Variants in TEKT3 observed in about 807,000 individuals in gnomAD.
TEKT3 encodes the protein tektin 3.
Under a neutral mutation model 49.8 loss-of-function variants are expected in TEKT3, and 49 were observed. That is an observed-to-expected ratio of 0.98 (90% CI 0.78 to 1.25). TEKT3 has a LOEUF of 1.25. TEKT3 is among the 50% of genes most tolerant of loss of function. TEKT3 has a pLI of 0.00. For synonymous variants in TEKT3, 225 were observed against 237.2 expected (o/e 0.95, Z 0.47); for missense variants, 595 against 629.5 (o/e 0.95, Z 0.59).
chr17:15,343,368 CA>C (rs1280269306), upstream of TEKT3, among the ~76,000 whole-genome samples: 2 of 152,074 alleles, frequency 1.3e-5, no homozygotes, highest in East Asian at 1.9e-4. Flanking sequence ...GATACCCTCT[CA>C]AAAAAAATTG....
At position 15,331,616 on chromosome 17, in the gene TEKT3, T is replaced by G; in HGVS notation, c.-29-2A>C. 6.4e-7 allele frequency: 1 copy of G among 1,560,090 alleles called. No homozygotes were observed. Among genetic ancestry groups the G allele is most frequent in the Non-Finnish European group, 8.7e-7 (1 of 1,152,624 alleles). ...CAAAACACTATTTGTAAATCTCTCC[T>G]GTTAAAAAATAAAAAGTAAAATAAG... On this transcript the variant is annotated splice_acceptor_variant, in intron 2 of 8. Transcript: ENST00000395930. LOFTEE classifies it low-confidence loss of function (5UTR_SPLICE).
intron 2 of TEKT3, among the ~76,000 whole-genome samples, chr17:15,336,276 T>C (rs1911979455): frequency 1.3e-5 from 2 of 152,128 alleles, no homozygotes; most frequent in African/African-American, 2.4e-5. Context: ...AGTGCTGAAT[T>C]ATTGTCAGAA....
At chr17:15,324,943 A>G (rs1311971733) in intron 4 of TEKT3, among the ~76,000 whole-genome samples, 1 of 80,094 alleles carries the variant, frequency 1.2e-5, no homozygotes, top group Non-Finnish European at 2.3e-5. Context: ...TGACTTAACT[A>G]TTTTGTATGT....
chr17:15,312,783 T>C (rs1179620543), intron 6 of TEKT3, among the ~76,000 whole-genome samples: 1 of 152,168 alleles, frequency 6.6e-6, no homozygotes, highest in African/African-American at 2.4e-5. Context: ...ACACATCACA[T>C]CAATAAGCAT....
At position 15,331,323 on chromosome 17, in the gene TEKT3, G is replaced by C; in HGVS notation, c.263C>G (p.Thr88Ser). Residue 88 changes from threonine (T) to serine (S), a missense_variant, in exon 3 of 9, where the codon ACC (threonine) becomes AGC (serine). By Grantham distance (58) the Thr-to-Ser change is moderately conservative. Coordinates refer to ENST00000395930, the MANE Select transcript of TEKT3 (RefSeq NM_031898.3). ...CGGTGTGTATCTTGTGAAGAAAGTG[G>C]TTCTGTTGGAAACAAAGGGAAGCAT... ...NTMLPFVSNR[T>S]TFFTRYTPDD... The C allele has an allele frequency of 6.2e-7, 1 of 1,614,190 alleles. No individual in the cohort carries two copies. The highest frequency in any genetic ancestry group is 2.2e-5 in the East Asian group (1 of 44,886).
At chr17:15,318,981 G>A (rs975126967) in intron 5 of TEKT3, 96 bp downstream of exon 5, 2 of 952,738 alleles carry the variant, frequency 2.1e-6, no homozygotes, top group Non-Finnish European at 3.2e-6. Context: ...GCCTGTGTGT[G>A]TGTCCTTATA....
chr17:15,327,435 G>T (rs1416853989), intron 4 of TEKT3, among the ~76,000 whole-genome samples: 1 of 151,776 alleles, frequency 6.6e-6, no homozygotes, highest in Non-Finnish European at 1.5e-5. Context: ...AGAATTGCTT[G>T]AACCTAGGAG....
intron 2 of TEKT3, among the ~76,000 whole-genome samples, chr17:15,333,751 A>ATTTTG (rs138525706): frequency 5.2e-5 from 7 of 135,350 alleles, no homozygotes; most frequent in Admixed American, 3.8e-4. Context: ...ATTTTATTTT[A>ATTTTG]TTTTATTTTA....
In TEKT3 at chr17:15,314,070, G is replaced by A. The variant is rs766525144; in HGVS notation, c.878+17C>T. ...AAATGACATCGAAATCACAGCCGTG[G>A]CGTGTGCCTGACTTACGTTGCATCG... is the stretch of plus-strand genomic sequence containing the variant. On this transcript the variant is annotated intron_variant, in intron 6 of 8. Coordinates refer to ENST00000395930, the MANE Select transcript of TEKT3 (RefSeq NM_031898.3). The A allele has an allele frequency of 6.2e-7, 1 of 1,614,154 alleles. No individual in the cohort carries two copies.
intron 8 of TEKT3, among the ~76,000 whole-genome samples, chr17:15,305,020 G>A (rs1227926790): frequency 2.0e-5 from 3 of 152,122 alleles, no homozygotes; most frequent in Non-Finnish European, 2.9e-5. Context: ...ATCCACAGCC[G>A]CTCCTGCAAA....
chr17:15,310,977 T>G (rs1910748372), intron 7 of TEKT3: 1 of 152,208 alleles, frequency 6.6e-6, no homozygotes, highest in Non-Finnish European at 1.5e-5. Context: ...CAAGGCTTTC[T>G]TCAAGATGTG....
chr17:15,313,745 C>A (rs1275506586), intron 6 of TEKT3, among the ~76,000 whole-genome samples: 2 of 152,090 alleles, frequency 1.3e-5, no homozygotes, highest in Non-Finnish European at 2.9e-5. Flanking sequence ...CTGACCTCAA[C>A]TGATCCTCCT....
At chr17:15,337,528 T>A (rs1912033022) in intron 2 of TEKT3, among the ~76,000 whole-genome samples, 1 of 152,148 alleles carries the variant, frequency 6.6e-6, no homozygotes, top group Admixed American at 6.5e-5. Flanking sequence ...TCACTTTAAA[T>A]ATAAAACACA....
chr17:15,330,928 CAATAAATA>C, intron 3 of TEKT3, 71 bp downstream of exon 3: 1 of 1,366,646 alleles, frequency 7.3e-7, no homozygotes, highest in Non-Finnish European at 9.8e-7. Flanking sequence ...AAACATAAGT[CAATAAATA>C]AATAACCACA....
In TEKT3 at chr17:15,304,297, A is replaced by G. The variant is rs1910447202; in HGVS notation, c.1257-145T>C. 1 of 729,240 alleles carries G rather than the reference A, an allele frequency of 1.4e-6. No homozygotes were observed. The highest frequency in any genetic ancestry group is 2.2e-6 in the Non-Finnish European group (1 of 449,560). The allele number at this position is 729,240 out of a possible 1,614,324, so 45.2% of individuals were successfully genotyped here. A position where few individuals can be genotyped will look rare whatever the true frequency, so the allele number is the denominator to read the frequency against. ...AGCAAATGAGAGGTGCATGAAATTAATAAAATATAAAGAAATATAAAGAGA... is the reference window on the plus strand; with the variant it reads ...AGCAAATGAGAGGTGCATGAAATTAGTAAAATATAAAGAAATATAAAGAGA... On this transcript the variant is annotated intron_variant, in intron 8 of 8. Coordinates refer to ENST00000395930, the MANE Select transcript of TEKT3 (RefSeq NM_031898.3). The surrounding 1 kb of genome is among the most constrained non-coding windows in gnomAD (Gnocchi z 4.7).
upstream of TEKT3, among the ~76,000 whole-genome samples, chr17:15,341,882 C>G (rs1039467823): frequency 2.0e-5 from 3 of 152,174 alleles, no homozygotes; most frequent in African/African-American, 7.2e-5. Context: ...GATTTCCCGA[C>G]CTCTCCTGTG....
chr17:15,314,334 C>G, intron 5 of TEKT3, 104 bp from the exon 6 acceptor site: 1 of 1,449,832 alleles, frequency 6.9e-7, no homozygotes, highest in Non-Finnish European at 9.5e-7. Context: ...CTGTTGCTCT[C>G]ACCATCTCTC....
At chr17:15,326,877 A>G (rs1185667250) in intron 4 of TEKT3, among the ~76,000 whole-genome samples, 1 of 152,186 alleles carries the variant, frequency 6.6e-6, no homozygotes, top group Admixed American at 6.5e-5. Context: ...AACCAGATTT[A>G]ATTGGTGGAA....
intron 2 of TEKT3, among the ~76,000 whole-genome samples, chr17:15,335,401 C>CATT (rs1239498361): frequency 3.3e-5 from 5 of 152,100 alleles, no homozygotes; most frequent in Non-Finnish European, 7.3e-5. Flanking sequence ...GGTGGAGATA[C>CATT]ATTATGAACA....
Sources: gnomAD v4.1 joint callset for allele counts (sites outside exome capture counted in the v4.1 genomes callset) on GRCh38, gnomAD v4.1.1 for gene constraint, Gnocchi (gnomAD v3.1) non-coding constraint, MANE v1.5 for transcripts, NCBI Gene and HGNC (gene_info 2026-07-23, HGNC 2026-07-21) for gene names.